The following TMTC1 variants were observed in gnomAD, a reference collection of about 807,000 sequenced individuals.
The protein encoded by TMTC1 is transmembrane O-mannosyltransferase targeting cadherins 1.
A neutral mutation model predicts 104.8 loss-of-function variants in TMTC1; 73 were observed. The observed-to-expected ratio is 0.70, with a 90% CI of 0.58 to 0.85. TMTC1 has a LOEUF of 0.85. TMTC1 is among the 40% of genes least tolerant of loss of function. The probability of loss-of-function intolerance (pLI) is 0.00; values close to 1 mark genes in which losing one functional copy is unlikely to be tolerated. For missense variants in TMTC1, 1,035 were observed against 1,096.1 expected, an observed-to-expected ratio of 0.94 and a Z score of 0.79; for synonymous variants, 434 against 428.7, an observed-to-expected ratio of 1.01 and a Z score of -0.15.
intron 5 of TMTC1, among the ~76,000 whole-genome samples, chr12:29,733,359 G>A (rs888750358): frequency 5.9e-5 from 9 of 152,018 alleles, no homozygotes; most frequent in East Asian, 3.9e-4. Context: ...GGGTAACTGC[G>A]TGGGTCAGAC....
At chr12:29,675,718 C>T (rs1247855163) in intron 5 of TMTC1, among the ~76,000 whole-genome samples, 1 of 152,002 alleles carries the variant, frequency 6.6e-6, no homozygotes, top group Non-Finnish European at 1.5e-5. Context: ...ATTGGTTCAA[C>T]TTGTTAATTC....
rs1404372280 is a variant in TMTC1, at chr12:29,771,496, T to C, written c.303-3421A>G. Among the ~76,000 whole-genome samples the C allele has an allele frequency of 3.9e-5, 6 of 152,228 alleles. No homozygotes were observed. In the East Asian group the frequency reaches 9.7e-4, roughly 24 times the overall value. On this transcript the variant is annotated intron_variant, in intron 1 of 17. Transcript: ENST00000539277. ...AGGTATTTATTAAGCACATACTACA[T>C]GTCAGATATGATTCAGGGCCCAGAG... is the stretch of plus-strand genomic sequence containing the variant.
In TMTC1 at chr12:29,503,999, C is replaced by G. The variant is rs1338560118; in HGVS notation, c.*2847G>C. On this transcript the variant is annotated 3_prime_UTR_variant, in exon 18 of 18. Transcript: ENST00000539277. ...CTTGGGAGGCTGAGGTGGGAGGATC[C>G]CTTCAGCCAGGGAGGTCGAGGCTAC... 6 of 151,988 alleles carry G rather than the reference C, an allele frequency of 3.9e-5. No individual in the cohort carries two copies. Among genetic ancestry groups the G allele is most frequent in the African/African-American group, 1.5e-4 (6 of 41,352 alleles). The allele number at this position is 151,988 out of a possible 1,614,324, so 9.4% of individuals were successfully genotyped here.
At chr12:29,781,368 TACC>T (rs1355856595) in intron 1 of TMTC1, among the ~76,000 whole-genome samples, 2 of 152,176 alleles carry the variant, frequency 1.3e-5, no homozygotes, top group Non-Finnish European at 2.9e-5. Flanking sequence ...AATCAATGAT[TACC>T]ACAAGAGTCC....
intron 8 of TMTC1, among the ~76,000 whole-genome samples, chr12:29,581,650 G>T (rs1205706766): frequency 1.3e-5 from 2 of 151,964 alleles, no homozygotes; most frequent in Non-Finnish European, 2.9e-5. Flanking sequence ...CTCTGATTAA[G>T]CAGTCAACAT....
rs1238163511 is a variant in TMTC1, at chr12:29,651,906, A to ACCCCC, written c.939-18571_939-18570insGGGGG. Among the ~76,000 whole-genome samples the ACCCCC allele has an allele frequency of 1.4e-3, 210 of 152,052 alleles. 1 individual carries two copies. The highest frequency in any genetic ancestry group is 4.9e-3 in the African/African-American group (202 of 41,412). ...AACTGAAGCAAAAAACTTGCCCAAA[A>ACCCCC]AAAAAAAAAATTAGCCATTGAGAAT... On this transcript the variant is annotated intron_variant, in intron 5 of 17. Coordinates refer to ENST00000539277, the MANE Select transcript of TMTC1 (RefSeq NM_001193451.2).
chr12:29,646,958 C>CTCA (rs1456609789), intron 5 of TMTC1, among the ~76,000 whole-genome samples: 1 of 152,156 alleles, frequency 6.6e-6, no homozygotes, highest in Non-Finnish European at 1.5e-5. Flanking sequence ...TTGATTGATT[C>CTCA]TCACATTCAC....
chr12:29,601,966 G>A (rs1946578515), intron 7 of TMTC1, among the ~76,000 whole-genome samples: 1 of 150,566 alleles, frequency 6.6e-6, no homozygotes, highest in African/African-American at 2.5e-5. Context: ...CTCCAGAGTA[G>A]CTAGGACTAC....
chr12:29,640,292 C>T (rs1433671998), intron 5 of TMTC1, among the ~76,000 whole-genome samples: 1 of 152,100 alleles, frequency 6.6e-6, no homozygotes, highest in African/African-American at 2.4e-5. Flanking sequence ...GGTGAGATCA[C>T]GGCAGACAGG....
chr12:29,752,134 C>CACACAA (rs1368637735), intron 4 of TMTC1, among the ~76,000 whole-genome samples: 2 of 151,636 alleles, frequency 1.3e-5, no homozygotes, highest in Admixed American at 1.3e-4. Flanking sequence ...CACCAACACA[C>CACACAA]ACACACACAC....
chr12:29,655,982 T>A (rs998828661), intron 5 of TMTC1, among the ~76,000 whole-genome samples: 3 of 152,020 alleles, frequency 2.0e-5, no homozygotes, highest in Middle Eastern at 3.4e-3. Context: ...CTAAATTCAG[T>A]AAAAGAGAAG....
At chr12:29,662,710 G>A (rs940645227) in intron 5 of TMTC1, among the ~76,000 whole-genome samples, 2 of 149,914 alleles carry the variant, frequency 1.3e-5, no homozygotes, top group Admixed American at 6.6e-5. Flanking sequence ...CAAAACACAT[G>A]TGGCTCCTCT....
chr12:29,506,876 T>A lies in TMTC1; in HGVS notation c.2619A>T (p.Leu873Phe). Residue 873 changes from leucine (L) to phenylalanine (F), a missense_variant, in exon 18 of 18, where the codon TTA becomes TTT. By Grantham distance (22) the Leu-to-Phe change is conservative. Transcript: ENST00000539277. ...LAKLDRLEKR[L>F]QEVREKDQT ...TTTGATCCTTTTCTCGAACTTCTTG[T>A]AATCGTTTTTCTAGGCGATCCAATT... 6.2e-7 allele frequency: 1 copy of A among 1,614,136 alleles called. No homozygotes were observed. The highest frequency in any genetic ancestry group is 1.1e-5 in the South Asian group (1 of 91,084).
chr12:29,657,272 T>C (rs1253336190), intron 5 of TMTC1, among the ~76,000 whole-genome samples: 1 of 152,182 alleles, frequency 6.6e-6, no homozygotes, highest in African/African-American at 2.4e-5. Flanking sequence ...ACAAAGGTAG[T>C]TATTTAAGGA....
chr12:29,536,221 T>C lies in TMTC1; in HGVS notation c.1773A>G (p.Leu591=), dbSNP rs199877027. ...FADAYSSLAS[L]LAEQERFKEA... ...GTGAAACAATTACCTGCTCAGCCAA[T>C]AACGAAGCTAAGCTTGAATATGCAT... The change falls in exon 11 of 18, where the codon TTA becomes TTG. Residue 591 remains leucine (L), a synonymous_variant. Transcript: ENST00000539277. 1.2e-6 allele frequency: 2 copies of C among 1,607,294 alleles called. No individual in the cohort carries two copies. The highest frequency in any genetic ancestry group is 1.3e-5 in the African/African-American group (1 of 74,884).
chr12:29,539,896 G>A (rs1306454979), intron 10 of TMTC1, among the ~76,000 whole-genome samples: 1 of 152,114 alleles, frequency 6.6e-6, no homozygotes, highest in Non-Finnish European at 1.5e-5. Flanking sequence ...TCAGCCTGGT[G>A]TTCTTCCCAC....
At chr12:29,665,958 C>T (rs916189751) in intron 5 of TMTC1, among the ~76,000 whole-genome samples, 10 of 152,140 alleles carry the variant, frequency 6.6e-5, no homozygotes, top group African/African-American at 2.2e-4. Context: ...CAACCCACCA[C>T]ACCCTGCTCA....
chr12:29,573,318 T>C (rs1945732917), intron 8 of TMTC1, among the ~76,000 whole-genome samples: 1 of 152,130 alleles, frequency 6.6e-6, no homozygotes, highest in East Asian at 1.9e-4. Flanking sequence ...CCAAGCAGAA[T>C]CATTAAAAAG....
intron 5 of TMTC1, among the ~76,000 whole-genome samples, chr12:29,644,100 TATAA>T (rs1939141475): frequency 6.2e-5 from 5 of 80,052 alleles, no homozygotes; most frequent in South Asian, 4.1e-4. Flanking sequence ...AATATAAATA[TATAA>T]ATATATATGT....
Sources: gnomAD v4.1 joint callset for allele counts (sites outside exome capture counted in the v4.1 genomes callset) on GRCh38, gnomAD v4.1.1 for gene constraint, MANE v1.5 for transcripts, NCBI Gene and HGNC (gene_info 2026-07-23, HGNC 2026-07-21) for gene names.